Variants in CMSS1 observed in about 807,000 individuals in gnomAD.
The protein encoded by CMSS1 is cms1 ribosomal small subunit homolog.
A neutral mutation model predicts 43.5 loss-of-function variants in CMSS1; 33 were observed. The observed-to-expected ratio is 0.76, with a 90% CI of 0.57 to 1.01. CMSS1 has a LOEUF of 1.01. Ranked by LOEUF, CMSS1 falls within the 50% of genes least tolerant of loss-of-function variation. The pLI, the probability that CMSS1 is intolerant of heterozygous loss-of-function variation, is 0.00. For missense variants in CMSS1, 313 were observed against 326.4 expected (o/e 0.96, Z 0.32); for synonymous variants, 115 against 117.2 (o/e 0.98, Z 0.12).
At chr3:99,891,749 A>G (rs1706089311) in intron 1 of CMSS1, among the ~76,000 whole-genome samples, 1 of 152,170 alleles carries the variant, frequency 6.6e-6, no homozygotes, top group Non-Finnish European at 1.5e-5. Flanking sequence ...CCCAGTACAG[A>G]TTTACATCAC....
At chr3:99,887,681 A>G (rs1705952236) in intron 1 of CMSS1, among the ~76,000 whole-genome samples, 1 of 152,232 alleles carries the variant, frequency 6.6e-6, no homozygotes, top group Non-Finnish European at 1.5e-5. Context: ...TAAGTACAAT[A>G]TATTTATATG....
At chr3:100,085,942 T>C (rs1037966862) in intron 1 of CMSS1, among the ~76,000 whole-genome samples, 10 of 152,232 alleles carry the variant, frequency 6.6e-5, no homozygotes, top group African/African-American at 2.4e-4. Flanking sequence ...AGCATAAAGG[T>C]CACCACTTTT....
chr3:100,004,547 A>G (rs1422027653), intron 1 of CMSS1, among the ~76,000 whole-genome samples: 1 of 152,216 alleles, frequency 6.6e-6, no homozygotes, highest in Non-Finnish European at 1.5e-5. Context: ...CGTTTGAAAG[A>G]ATAGTTGTAG....
At chr3:100,059,558 G>T (rs1014668631) in intron 1 of CMSS1, among the ~76,000 whole-genome samples, 15 of 152,294 alleles carry the variant, frequency 9.8e-5, no homozygotes, top group African/African-American at 3.6e-4. Context: ...AAGGGTAGAG[G>T]GTGTAGTTCA....
chr3:99,886,322 G>A (rs1705895771), intron 1 of CMSS1, among the ~76,000 whole-genome samples: 1 of 150,682 alleles, frequency 6.6e-6, no homozygotes, highest in African/African-American at 2.5e-5. Flanking sequence ...AAGCAGGGAT[G>A]TCCAATCTTT....
At chr3:99,831,263 T>C (rs1042563756) in intron 1 of CMSS1, among the ~76,000 whole-genome samples, 1 of 152,258 alleles carries the variant, frequency 6.6e-6, no homozygotes, top group African/African-American at 2.4e-5. Context: ...TTTACTTAGA[T>C]ATGTTAAAAG....
chr3:99,935,791 T>C (rs954751206), intron 1 of CMSS1, among the ~76,000 whole-genome samples: 2 of 152,200 alleles, frequency 1.3e-5, no homozygotes, highest in Admixed American at 1.3e-4. Context: ...TTTTCCTATG[T>C]AGTTCCTTTA....
At chr3:100,058,637 T>G (rs1328002329) in intron 1 of CMSS1, among the ~76,000 whole-genome samples, 10 of 152,264 alleles carry the variant, frequency 6.6e-5, no homozygotes, top group Admixed American at 5.9e-4. Flanking sequence ...TCCTCTAAAT[T>G]CCCAAGCACC....
intron 1 of CMSS1, among the ~76,000 whole-genome samples, chr3:100,027,681 T>C (rs1415134495): frequency 6.6e-6 from 1 of 152,200 alleles, no homozygotes; most frequent in Non-Finnish European, 1.5e-5. Flanking sequence ...GTTGTGTGAA[T>C]TATTTCAGCC....
At chr3:99,988,446 A>G (rs375931083) in intron 1 of CMSS1, among the ~76,000 whole-genome samples, 17 of 138,042 alleles carry the variant, frequency 1.2e-4, no homozygotes, top group African/African-American at 4.7e-4. Context: ...TGGGAGGCGG[A>G]GGTTGCAGTG....
chr3:100,082,748 A>T (rs1001697860), intron 1 of CMSS1, among the ~76,000 whole-genome samples: 6 of 152,146 alleles, frequency 3.9e-5, no homozygotes, highest in African/African-American at 1.4e-4. Context: ...TTATTGTTAC[A>T]TGTTTCTGTT....
intron 1 of CMSS1, among the ~76,000 whole-genome samples, chr3:100,080,321 G>C (rs989539100): frequency 1.7e-4 from 25 of 144,572 alleles, no homozygotes; most frequent in Non-Finnish European, 3.6e-4. Flanking sequence ...AGCTAAGAGG[G>C]GGAAAAAAAA....
chr3:100,023,249 A>G (rs1455965145), intron 1 of CMSS1: 1 of 152,464 alleles, frequency 6.6e-6, no homozygotes, highest in East Asian at 1.9e-4. Flanking sequence ...GCCACCACGA[A>G]GTATTGTTCT....
chr3:100,071,234 C>T (rs543315101), intron 1 of CMSS1, among the ~76,000 whole-genome samples: 4 of 151,088 alleles, frequency 2.6e-5, no homozygotes, highest in African/African-American at 9.7e-5. Context: ...TCCTGATTTT[C>T]TCTTACTCAC....
At chr3:99,957,103 T>C (rs1708341885) in intron 1 of CMSS1, among the ~76,000 whole-genome samples, 9 of 152,214 alleles carry the variant, frequency 5.9e-5, no homozygotes, top group Admixed American at 5.9e-4. Context: ...AAAATACTTG[T>C]GTTTATGTTT....
rs1944107885 is a variant in CMSS1 at position 99,858,959 on chromosome 3, A to T, written c.64+40916A>T. Among the ~76,000 whole-genome samples, 4 of 152,346 alleles carry T rather than the reference A, an allele frequency of 2.6e-5. No individual in the cohort carries two copies. The South Asian group carries it at 8.3e-4, about 32-fold the overall frequency. ...ATTCACTGGCTTAGTCACTGCTTTG[A>T]TGTTTCCATCATTAATAAAGCCAGT... On this transcript the variant is annotated intron_variant, in intron 1 of 9. Transcript: ENST00000421999.
At chr3:100,076,195 T>A (rs909514558) in intron 1 of CMSS1, among the ~76,000 whole-genome samples, 1 of 152,224 alleles carries the variant, frequency 6.6e-6, no homozygotes, top group Non-Finnish European at 1.5e-5. Flanking sequence ...CAGAGTTAAG[T>A]ACCTCTTTTT....
intron 1 of CMSS1, among the ~76,000 whole-genome samples, chr3:99,965,907 G>C (rs975932319): frequency 4.6e-5 from 7 of 152,084 alleles, no homozygotes; most frequent in Non-Finnish European, 8.8e-5. Flanking sequence ...GACCATTTCT[G>C]TACATAAGGC....
At position 99,911,440 on chromosome 3, in the gene CMSS1, C is replaced by A. The variant is rs16841824; in HGVS notation, c.64+93397C>A. Among the ~76,000 whole-genome samples the A allele has an allele frequency of 5.0e-3, 764 of 152,006 alleles. 6 individuals carry two copies. The highest frequency in any genetic ancestry group is 0.017 in the African/African-American group (721 of 41,474). ...CCTGTATACACTCTAGGTTCTCTAA[C>A]AACTTGCCAGTGGTGGGTTGAGATT... On this transcript the variant is annotated intron_variant, in intron 1 of 9. Transcript: ENST00000421999.
Sources: gnomAD v4.1 joint callset for allele counts (sites outside exome capture counted in the v4.1 genomes callset) on GRCh38, gnomAD v4.1.1 for gene constraint, MANE v1.5 for transcripts, NCBI Gene and HGNC (gene_info 2026-07-23, HGNC 2026-07-21) for gene names.